LRRC37A3: variants seen among roughly 807,000 people sequenced by gnomAD.
The protein encoded by LRRC37A3 is leucine rich repeat containing 37 member A3.
Under a neutral mutation model 106.2 loss-of-function variants are expected in LRRC37A3, and 25 were observed. The observed-to-expected ratio is 0.24, with a 90% CI of 0.17 to 0.33. The LOEUF is 0.33. Ranked by LOEUF, LRRC37A3 falls within the 10% of genes least tolerant of loss-of-function variation. The pLI, the probability that LRRC37A3 is intolerant of heterozygous loss-of-function variation, is 1.00. For missense variants in LRRC37A3, 712 were observed against 1,644.9 expected (o/e 0.43, Z 9.81); for synonymous variants, 305 against 635.8 (o/e 0.48, Z 7.83).
chr17:64,912,835 C>CCCAGGA (rs1974620386), intron 2 of LRRC37A3, among the ~76,000 whole-genome samples: 1 of 146,518 alleles, frequency 6.8e-6, no homozygotes, highest in African/African-American at 2.6e-5. Flanking sequence ...GTGGCTTGAG[C>CCCAGGA]CCAGGAATTC....
chr17:64,917,200 C>G (rs1246979894), intron 2 of LRRC37A3, among the ~76,000 whole-genome samples: 4 of 140,126 alleles, frequency 2.9e-5, no homozygotes, highest in Non-Finnish European at 6.1e-5. Flanking sequence ...GAGCCGAGAT[C>G]GCGCCACTGC....
chr17:64,913,200 TG>T (rs1330991836), intron 2 of LRRC37A3, among the ~76,000 whole-genome samples: 1 of 151,904 alleles, frequency 6.6e-6, no homozygotes, highest in African/African-American at 2.4e-5. Context: ...GGCTAATTTT[TG>T]TATTTTTAGT....
chr17:64,868,479 A>C lies in LRRC37A3; in HGVS notation c.3036T>G (p.Thr1012=), dbSNP rs1260888108. The change falls in exon 10 of 15, where the codon ACT becomes ACG. Residue 1012 remains threonine, a synonymous_variant. Transcript: ENST00000584306. ...LTTLKNILMM[T]VELEKLIVPS... ...TAACTTACAGTTTTTCCAGTTCAAC[A>C]GTCATCATGAGAATGTTCTTAAGTG... 6.2e-7 allele frequency: 1 copy of C among 1,610,502 alleles called. No individual in the cohort carries two copies. Among genetic ancestry groups the C allele is most frequent in the African/African-American group, 1.3e-5 (1 of 74,754 alleles).
In LRRC37A3 at chr17:64,860,819, G is replaced by A. The variant is rs1567763354; in HGVS notation, c.3327C>T (p.Asp1109=). 3.1e-6 allele frequency: 5 copies of A among 1,614,212 alleles called. No homozygotes were observed. Among genetic ancestry groups the A allele is most frequent in the Middle Eastern group, 1.6e-4 (1 of 6,062 alleles). The change falls in exon 12 of 15, where the codon GAC becomes GAT. Residue 1109 remains aspartate (D), a synonymous_variant. Coordinates refer to ENST00000584306, the MANE Select transcript of LRRC37A3 (RefSeq NM_199340.5). ...TGGTAACATCACTCTCGTCATTGGT[G>A]TCTAGCTGCTCACTCCCAAAGCCTG... is the stretch of plus-strand genomic sequence containing the variant. ...NLSGFGSEQL[D]TNDESDVTST...
chr17:64,866,081 C>A (rs1973058540), intron 10 of LRRC37A3, among the ~76,000 whole-genome samples: 1 of 151,978 alleles, frequency 6.6e-6, no homozygotes, highest in African/African-American at 2.4e-5. Flanking sequence ...CAATAATGAA[C>A]TCCCATAAGA....
At chr17:64,868,614 T>C in intron 9 of LRRC37A3, 78 bp from the exon 10 acceptor site, 1 of 1,520,518 alleles carries the variant, frequency 6.6e-7, no homozygotes. Flanking sequence ...TTTTGGCTTC[T>C]CTATTAAACA....
intron 10 of LRRC37A3, among the ~76,000 whole-genome samples, chr17:64,865,430 C>T (rs1285878028): frequency 2.0e-5 from 3 of 152,130 alleles, no homozygotes; most frequent in Non-Finnish European, 2.9e-5. Context: ...AGGCATGAGC[C>T]CAAAATTTTT....
chr17:64,875,729 C>T lies in LRRC37A3; in HGVS notation c.2907-6563G>A, dbSNP rs1026855894. On this transcript the variant is annotated intron_variant, in intron 8 of 14. Transcript: ENST00000584306. ...GCTTGAACCTGGGAGGCAGAGGTTG[C>T]GGCGAGTAAAGATTGTGCCACTGCA... Among the ~76,000 whole-genome samples the T allele has an allele frequency of 1.1e-4, 17 of 151,324 alleles. No homozygotes were observed. In the East Asian group the frequency reaches 2.4e-3, roughly 21 times the overall value.
In LRRC37A3 at chr17:64,854,626, C is replaced by T. The variant is rs781040146; in HGVS notation, c.4878G>A (p.Thr1626=). The T allele has an allele frequency of 1.7e-5, 27 of 1,613,678 alleles. No individual in the cohort carries two copies. The East Asian group carries it at 2.2e-4, about 13-fold the overall frequency. The stretch of plus-strand genomic sequence containing the variant: ...ATGGCAGGGCTTCACTCTCCTCCTC[C>T]GTTGGGGCTTCGCTGTCCCTGGGAT... ...EGFSRDSEAP[T]EEESEALP The change falls in exon 15 of 15, where the codon ACG becomes ACA. Residue 1626 remains threonine (T), a synonymous_variant. Coordinates refer to ENST00000584306, the MANE Select transcript of LRRC37A3 (RefSeq NM_199340.5).
In LRRC37A3 at chr17:64,860,174, ACT is replaced by A. The variant is rs1389892118; in HGVS notation, c.3970_3971del (p.Pro1325LysfsTer10). 6.2e-7 allele frequency: 1 copy of A among 1,613,064 alleles called. No individual in the cohort carries two copies. On this transcript the variant is annotated frameshift_variant, in exon 12 of 15. Transcript: ENST00000584306. LOFTEE classifies it high-confidence loss of function. Reference sequence around the variant, plus strand: ...GATAACTTTTCTTTCTGACCTTTGGACTCTTTTTGACCTTGGGTGTTCTGTGG... The same window carrying A: ...GATAACTTTTCTTTCTGACCTTTGGACTTTTTGACCTTGGGTGTTCTGTGG... ...MTHRTPKVKK[S>X]PKVRKKSYLS...
Position 64,860,182 on chromosome 17 carries a change from T to G in LRRC37A3, c.3964A>C (p.Lys1322Gln), listed in dbSNP as rs1972819719. 1 of 1,613,904 alleles carries G rather than the reference T, an allele frequency of 6.2e-7. No homozygotes were observed. Among genetic ancestry groups the G allele is most frequent in the Admixed American group, 1.7e-5 (1 of 59,998 alleles). Residue 1322 changes from lysine (K) to glutamine (Q), a missense_variant, in exon 12 of 15, where the codon AAA becomes CAA. Coordinates refer to ENST00000584306, the MANE Select transcript of LRRC37A3 (RefSeq NM_199340.5). ...TTCTTTCTGACCTTTGGACTCTTTT[T>G]GACCTTGGGTGTTCTGTGGGTCATG... is the stretch of plus-strand genomic sequence containing the variant. Reference protein sequence around the residue: ...SRMTHRTPKVKKSPKVRKKSY... With the variant: ...SRMTHRTPKVQKSPKVRKKSY...
Position 64,918,959 on chromosome 17 carries a change from G to A in LRRC37A3, c.-616-89C>T, listed in dbSNP as rs1598441803. 3 of 1,140,616 alleles carry A rather than the reference G, an allele frequency of 2.6e-6. No individual in the cohort carries two copies. The East Asian group carries it at 1.0e-4, about 39-fold the overall frequency. The allele number at this position is 1,140,616 out of a possible 1,614,324, so 70.7% of individuals were successfully genotyped here. A position where few individuals can be genotyped will look rare whatever the true frequency, so the allele number is the denominator to read the frequency against. ...TTGACGGCCGTCCGGACCTGCAGCT[G>A]TCCGGGCCAGGTGGCTGCCCCCGCC... On this transcript the variant is annotated intron_variant, in intron 1 of 14. Transcript: ENST00000584306.
At chr17:64,857,343 T>C (rs573117703) in intron 13 of LRRC37A3, among the ~76,000 whole-genome samples, 2 of 152,328 alleles carry the variant, frequency 1.3e-5, no homozygotes, top group African/African-American at 4.8e-5. Flanking sequence ...AAGATCTATA[T>C]ATGGAAACAC....
At position 64,855,875 on chromosome 17, in the gene LRRC37A3, T is replaced by A. The variant is rs1456830422; in HGVS notation, c.4824A>T (p.Arg1608=). ...LLCLIEICCH[R]RSLQEDEEGF... is the part of the protein sequence containing the mutation. ...CTTCTTCATCTTCTTGTAATGACCT[T>A]CGGTGACAACAGATCTGTTTTAGAA... Residue 1608 remains arginine, a synonymous_variant, in exon 14 of 15, where the codon CGA becomes CGT. Coordinates refer to ENST00000584306, the MANE Select transcript of LRRC37A3 (RefSeq NM_199340.5). 1 of 1,611,840 alleles carries A rather than the reference T, an allele frequency of 6.2e-7. No homozygotes were observed. The highest frequency in any genetic ancestry group is 2.2e-5 in the East Asian group (1 of 44,880).
At chr17:64,878,223 G>T (rs1399903277) in intron 8 of LRRC37A3, among the ~76,000 whole-genome samples, 1 of 152,126 alleles carries the variant, frequency 6.6e-6, no homozygotes, top group Non-Finnish European at 1.5e-5. Flanking sequence ...ACAGATGAAA[G>T]GGACACAGCC....
intron 2 of LRRC37A3, among the ~76,000 whole-genome samples, chr17:64,916,237 C>G (rs1199680013): frequency 6.6e-6 from 1 of 151,814 alleles, no homozygotes; most frequent in Non-Finnish European, 1.5e-5. Flanking sequence ...AACCCCGTCT[C>G]TACTAAAAAT....
intron 10 of LRRC37A3, among the ~76,000 whole-genome samples, chr17:64,865,325 G>T (rs1302264062): frequency 6.6e-6 from 1 of 152,058 alleles, no homozygotes; most frequent in Non-Finnish European, 1.5e-5. Context: ...TGTATATTTT[G>T]TAGAAATGGG....
chr17:64,875,007 C>T (rs1358569301), intron 8 of LRRC37A3, among the ~76,000 whole-genome samples: 1 of 151,928 alleles, frequency 6.6e-6, no homozygotes, highest in Non-Finnish European at 1.5e-5. Context: ...CCTTTGTTCA[C>T]TTGTTTATCT....
intron 2 of LRRC37A3, among the ~76,000 whole-genome samples, chr17:64,917,218 C>G (rs1974724553): frequency 2.1e-5 from 3 of 141,584 alleles, no homozygotes. Flanking sequence ...TGCACTCCAG[C>G]CTGGGTAACA....
Sources: gnomAD v4.1 joint callset for allele counts (sites outside exome capture counted in the v4.1 genomes callset) on GRCh38, gnomAD v4.1.1 for gene constraint, MANE v1.5 for transcripts, NCBI Gene and HGNC (gene_info 2026-07-23, HGNC 2026-07-21) for gene names.